The following KLHDC1 variants were observed in gnomAD, a reference collection of about 807,000 sequenced individuals.
The protein encoded by KLHDC1 is kelch domain containing 1.
A neutral mutation model predicts 68.3 loss-of-function variants in KLHDC1; 53 were observed. The ratio of observed to expected loss-of-function variants is 0.78; its 90% CI spans 0.62 to 0.98. KLHDC1 has a LOEUF of 0.98. Ranked by LOEUF, KLHDC1 falls within the 50% of genes least tolerant of loss-of-function variation. The probability of loss-of-function intolerance (pLI) is 0.00; values close to 1 mark genes in which losing one functional copy is unlikely to be tolerated. For synonymous variants in KLHDC1, 148 were observed against 159.0 expected (o/e 0.93, Z 0.52); for missense variants, 470 against 492.3 (o/e 0.95, Z 0.43).
chr14:49,748,799 T>A (rs986411101), intron 12 of KLHDC1, among the ~76,000 whole-genome samples: 4 of 151,028 alleles, frequency 2.6e-5, no homozygotes, highest in African/African-American at 4.9e-5. Flanking sequence ...GAGAAATTTT[T>A]TTTCTTTTTT....
rs547005321 is a variant in KLHDC1, at chr14:49,695,335, CA to C, written c.96+2049del. On this transcript the variant is annotated intron_variant, in intron 1 of 12. Transcript: ENST00000359332. ...TTCTTAAATAATAAGACTTGAAAGT[CA>C]AAATGATTCCTTGATCCATGGGCAA... Among the ~76,000 whole-genome samples, 451 of 152,186 alleles carry C rather than the reference CA, an allele frequency of 3.0e-3. 3 individuals carry two copies. Among genetic ancestry groups the C allele is most frequent in the African/African-American group, 0.011 (437 of 41,530 alleles).
chr14:49,722,239 T>C (rs1297731181), intron 4 of KLHDC1, among the ~76,000 whole-genome samples: 3 of 152,236 alleles, frequency 2.0e-5, no homozygotes, highest in African/African-American at 7.2e-5. Context: ...TAACACATCA[T>C]TTACATTAGG....
chr14:49,734,545 C>T (rs948945597), intron 9 of KLHDC1, 44 bp from the exon 10 acceptor site: 2 of 1,138,460 alleles, frequency 1.8e-6, no homozygotes, highest in African/African-American at 3.1e-5. Flanking sequence ...AAAATTGTAT[C>T]CCAGAGACCT....
At chr14:49,739,710 G>A (rs1269910550) in intron 10 of KLHDC1, among the ~76,000 whole-genome samples, 2 of 152,158 alleles carry the variant, frequency 1.3e-5, no homozygotes, top group Non-Finnish European at 2.9e-5. Context: ...TAATATGTAT[G>A]AGAGAAAAAG....
At chr14:49,713,321 C>G (rs943053567) in intron 4 of KLHDC1, among the ~76,000 whole-genome samples, 8 of 152,074 alleles carry the variant, frequency 5.3e-5, no homozygotes, top group Non-Finnish European at 8.8e-5. Flanking sequence ...TTAGCAAGCA[C>G]CGATGATTGC....
At chr14:49,716,455 C>G (rs1888379974) in intron 4 of KLHDC1, among the ~76,000 whole-genome samples, 1 of 151,950 alleles carries the variant, frequency 6.6e-6, no homozygotes. Flanking sequence ...GTGGTCTCCA[C>G]TCACTGCAAC....
At chr14:49,713,846 ATATATT>A (rs1888294365) in intron 4 of KLHDC1, among the ~76,000 whole-genome samples, 1 of 49,698 alleles carries the variant, frequency 2.0e-5, no homozygotes, top group African/African-American at 9.0e-5. Flanking sequence ...ATATATATAT[ATATATT>A]TTTTTTTTTT....
At chr14:49,724,853 C>G (rs1299952866) in intron 5 of KLHDC1, among the ~76,000 whole-genome samples, 1 of 143,796 alleles carries the variant, frequency 7.0e-6, no homozygotes, top group Non-Finnish European at 1.5e-5. Flanking sequence ...CATTTAGACT[C>G]TAAATGAGCT....
At chr14:49,707,184 T>C (rs987829128) in intron 1 of KLHDC1, among the ~76,000 whole-genome samples, 10 of 151,990 alleles carry the variant, frequency 6.6e-5, no homozygotes, top group Non-Finnish European at 1.3e-4. Flanking sequence ...GGAATCTAGT[T>C]TTTTTCTTTT....
intron 1 of KLHDC1, among the ~76,000 whole-genome samples, chr14:49,708,151 A>G: frequency 6.8e-6 from 1 of 147,338 alleles, no homozygotes. Context: ...GCTCACTGCA[A>G]CCTCCGTCTC....
intron 4 of KLHDC1, among the ~76,000 whole-genome samples, chr14:49,717,961 G>T (rs1888422565): frequency 6.6e-6 from 1 of 151,990 alleles, no homozygotes. Flanking sequence ...ATGGCTTACT[G>T]CAGCTTTGAA....
chr14:49,729,282 T>C (rs1888745668), intron 7 of KLHDC1, among the ~76,000 whole-genome samples: 1 of 152,250 alleles, frequency 6.6e-6, no homozygotes, highest in Admixed American at 6.5e-5. Context: ...AACCTATTTC[T>C]TCCTATTTTT....
At chr14:49,712,234 A>G (rs1888225394) in intron 4 of KLHDC1, among the ~76,000 whole-genome samples, 1 of 152,038 alleles carries the variant, frequency 6.6e-6, no homozygotes, top group African/African-American at 2.4e-5. Flanking sequence ...TCTTCCATAT[A>G]TATAGTTGCT....
At chr14:49,749,716 T>C (rs2139773216) in intron 12 of KLHDC1, among the ~76,000 whole-genome samples, 1 of 149,322 alleles carries the variant, frequency 6.7e-6, no homozygotes, top group African/African-American at 2.5e-5. Flanking sequence ...ATTTATTAAC[T>C]AGTCTATTAT....
chr14:49,734,079 C>A (rs1255789193), intron 9 of KLHDC1, among the ~76,000 whole-genome samples: 1 of 152,042 alleles, frequency 6.6e-6, no homozygotes, highest in Admixed American at 6.6e-5. Context: ...GTTTTTAGTT[C>A]CTGTTTTCTG....
In KLHDC1 at chr14:49,752,742, T is replaced by C. The variant is rs1339298827; in HGVS notation, c.*970T>C. ...CTATACAGAAATGGAACACTGTATC[T>C]TTATATTCCTAAAAATGGTACTTTT... On this transcript the variant is annotated 3_prime_UTR_variant, in exon 13 of 13. Transcript: ENST00000359332. 1.3e-5 allele frequency: 2 copies of C among 152,094 alleles called. No individual in the cohort carries two copies. The highest frequency in any genetic ancestry group is 1.3e-4 in the Admixed American group (2 of 15,268). The allele number at this position is 152,094 out of a possible 1,614,324, so 9.4% of individuals were successfully genotyped here.
chr14:49,748,461 A>T (rs80124065), intron 12 of KLHDC1, among the ~76,000 whole-genome samples: 2 of 152,172 alleles, frequency 1.3e-5, no homozygotes, highest in South Asian at 4.1e-4. Context: ...GTGTTCCAAA[A>T]AGCAAAAAAC....
At chr14:49,750,766 C>T (rs1594688537) in intron 12 of KLHDC1, among the ~76,000 whole-genome samples, 1 of 152,006 alleles carries the variant, frequency 6.6e-6, no homozygotes, top group African/African-American at 2.4e-5. Flanking sequence ...TTAAAAAGGG[C>T]ATTGTACTTG....
chr14:49,713,915 C>T (rs1322132243), intron 4 of KLHDC1, among the ~76,000 whole-genome samples: 2 of 137,892 alleles, frequency 1.5e-5, no homozygotes, highest in South Asian at 4.8e-4. Flanking sequence ...CACAGTGGCA[C>T]GATCTTGGCT....
Sources: allele counts gnomAD v4.1 joint callset (sites outside exome capture counted in the v4.1 genomes callset), GRCh38; gene constraint gnomAD v4.1.1; transcripts MANE v1.5; gene names NCBI Gene and HGNC (gene_info 2026-07-23, HGNC 2026-07-21).